Variants in SH2D5 observed in about 807,000 individuals in gnomAD.
The protein encoded by SH2D5 is SH2 domain containing 5.
SH2D5 carries 45 observed loss-of-function variants against 48.2 expected under a neutral mutation model. The observed-to-expected ratio is 0.93, with a 90% CI of 0.73 to 1.20. The LOEUF is 1.20. Among genes scored for constraint, SH2D5 ranks in the 50% most tolerant of loss-of-function variants. The pLI is 0.00. For missense variants in SH2D5, 538 were observed against 584.1 expected, an observed-to-expected ratio of 0.92 and a Z score of 0.81; for synonymous variants, 230 against 249.8, an observed-to-expected ratio of 0.92 and a Z score of 0.75.
Position 20,721,779 on chromosome 1 carries a change from G to C in SH2D5, c.*13C>G, listed in dbSNP as rs764073886. The C allele has an allele frequency of 5.9e-6, 9 of 1,514,134 alleles. No individual in the cohort carries two copies. The highest frequency in any genetic ancestry group is 2.1e-5 in the Admixed American group (1 of 48,236). The allele number at this position is 1,514,134 out of a possible 1,614,324, so 93.8% of individuals were successfully genotyped here. A position where few individuals can be genotyped will look rare whatever the true frequency, so the allele number is the denominator to read the frequency against. ...GGGGTGAGGCGGGGCCTGTGGGACC[G>C]GGGCCCTACCTCTTAGCCCAGGCCC... On this transcript the variant is annotated 3_prime_UTR_variant, in exon 10 of 10. Transcript: ENST00000444387.
Position 20,728,759 on chromosome 1 carries a change from C to T in SH2D5, c.-42-673G>A, listed in dbSNP as rs2054855353. On this transcript the variant is annotated intron_variant, in intron 1 of 9. Coordinates refer to ENST00000444387, the MANE Select transcript of SH2D5 (RefSeq NM_001103161.2). This position sits in a 1 kb window ranked among gnomAD's most constrained non-coding sequence, Gnocchi z 4.3. The stretch of plus-strand genomic sequence containing the variant: ...GCCAGGCTCAGGAATTCAGACCCCA[C>T]CCTGTGGGTAGTGGGGAGCTATAGC... Among the ~76,000 whole-genome samples, 1 of 152,188 alleles carries T rather than the reference C, an allele frequency of 6.6e-6. No individual in the cohort carries two copies. The highest frequency in any genetic ancestry group is 1.5e-5 in the Non-Finnish European group (1 of 68,030).
chr1:20,729,689 G>A lies in SH2D5; in HGVS notation c.-42-1603C>T, dbSNP rs534883412. ...GGGTCCCGGGTGTGCTCCCACTCAA[G>A]GAGGAGGGCTGGGGTGCTTTGGAAC... On this transcript the variant is annotated intron_variant, in intron 1 of 9. Transcript: ENST00000444387. This position sits in a 1 kb window ranked among gnomAD's most constrained non-coding sequence, Gnocchi z 4.2. Among the ~76,000 whole-genome samples the A allele has an allele frequency of 6.6e-6, 1 of 152,152 alleles. No individual in the cohort carries two copies. The highest frequency in any genetic ancestry group is 6.5e-5 in the Admixed American group (1 of 15,268).
In SH2D5 at chr1:20,720,599, A is replaced by T. The variant is rs671905; in HGVS notation, c.*1193T>A. ...ATGCAAAATGAACTTGTTCTATAAC[A>T]GAGTTCAGTAGATTCATTATTTGTC... On this transcript the variant is annotated 3_prime_UTR_variant, in exon 10 of 10. Coordinates refer to ENST00000444387, the MANE Select transcript of SH2D5 (RefSeq NM_001103161.2). 0.71 allele frequency: 108,137 copies of T among 152,266 alleles called. 38,770 individuals carry two copies. Among genetic ancestry groups the T allele is most frequent in the East Asian group, 0.88 (4,570 of 5,166 alleles). 9.4% of individuals were successfully genotyped at this position (152,266 alleles called of 1,614,324 possible). A position where few individuals can be genotyped will look rare whatever the true frequency, so the allele number is the denominator to read the frequency against.
At chr1:20,731,783 C>T (rs1390582552) in intron 1 of SH2D5, among the ~76,000 whole-genome samples, 2 of 152,102 alleles carry the variant, frequency 1.3e-5, no homozygotes, top group Non-Finnish European at 2.9e-5. Context: ...CGCTGCGCTA[C>T]CTCGCTCGGG....
In SH2D5 at chr1:20,720,627, GT is replaced by G. The variant is rs1228818479; in HGVS notation, c.*1164del. 6.6e-6 allele frequency: 1 copy of G among 152,260 alleles called. No homozygotes were observed. The highest frequency in any genetic ancestry group is 1.5e-5 in the Non-Finnish European group (1 of 68,046). The allele number at this position is 152,260 out of a possible 1,614,324, so 9.4% of individuals were successfully genotyped here. On this transcript the variant is annotated 3_prime_UTR_variant, in exon 10 of 10. Transcript: ENST00000444387. ...GTTCAGTAGATTCATTATTTGTCAA[GT>G]TTGCTTACAAAGAGGGTTTGTCAGT...
Position 20,727,057 on chromosome 1 carries a change from C to CCCGGCGTCGGGGACAGT in SH2D5, c.170_186dup (p.Ala63ThrfsTer10), listed in dbSNP as rs773859927. On this transcript the variant is annotated frameshift_variant, in exon 4 of 10. Transcript: ENST00000444387. LOFTEE classifies it high-confidence loss of function. ...TGAAGGCTGAATTTCAGGATGACGG[C>CCCGGCGTCGGGGACAGT]CCGGCGTCGGGGACAGTCCTGGGTG... The CCCGGCGTCGGGGACAGT allele has an allele frequency of 6.2e-7, 1 of 1,611,936 alleles. No homozygotes were observed. The highest frequency in any genetic ancestry group is 8.5e-7 in the Non-Finnish European group (1 of 1,179,006).
At chr1:20,727,246 T>G (rs1310701612) in intron 3 of SH2D5, among the ~76,000 whole-genome samples, 171 bp from the exon 4 acceptor site, 1 of 152,068 alleles carries the variant, frequency 6.6e-6, no homozygotes, top group African/African-American at 2.4e-5. Context: ...GGATGGCTCC[T>G]GGCAGATGAC....
At chr1:20,727,396 G>A in intron 3 of SH2D5, 127 bp downstream of exon 3, 1 of 963,346 alleles carries the variant, frequency 1.0e-6, no homozygotes. Context: ...GTCCTGACCA[G>A]CCCACCACAA....
rs2320398 is a variant in SH2D5, at chr1:20,728,213, G to A, written c.-42-127C>T. On this transcript the variant is annotated intron_variant, in intron 1 of 9. Coordinates refer to ENST00000444387, the MANE Select transcript of SH2D5 (RefSeq NM_001103161.2). This position sits in a 1 kb window ranked among gnomAD's most constrained non-coding sequence, Gnocchi z 4.3. ...GTGCAGCACGGCTGCGCAATGTCCC[G>A]GGCCCTGGGGAGCCAGCCCAGAAGA... The A allele has an allele frequency of 7.1e-3, 4,253 of 601,228 alleles. 111 individuals carry two copies. Among genetic ancestry groups the A allele is most frequent in the African/African-American group, 0.064 (3,448 of 53,968 alleles). The allele number at this position is 601,228 out of a possible 1,614,324, so 37.2% of individuals were successfully genotyped here.
At chr1:20,723,263 T>TTTAGAAGC (rs1363910614) in intron 8 of SH2D5, among the ~76,000 whole-genome samples, 3 of 152,154 alleles carry the variant, frequency 2.0e-5, no homozygotes, top group Non-Finnish European at 2.9e-5. Flanking sequence ...GAAAGAAGCT[T>TTTAGAAGC]TTAGAAGCTT....
intron 5 of SH2D5, 85 bp from the exon 6 acceptor site, chr1:20,724,720 G>A (rs776663706): frequency 2.4e-4 from 336 of 1,419,824 alleles, no homozygotes; most frequent in Non-Finnish European, 3.0e-4. Flanking sequence ...CACTCACCAT[G>A]GGTGCATGCA....
rs770826663 is a variant in SH2D5 at position 20,724,430 on chromosome 1, C to T, written c.596G>A (p.Arg199Gln). 1.4e-5 allele frequency: 22 copies of T among 1,612,796 alleles called. No homozygotes were observed. In the Admixed American group the frequency reaches 1.8e-4, roughly 13 times the overall value. Residue 199 changes from arginine (R) to glutamine (Q), a missense_variant, in exon 6 of 10, where the codon CGG becomes CAG. Physicochemically the swap from Arg to Gln is conservative, Grantham distance 43. Transcript: ENST00000444387. Reference sequence around the variant, plus strand: ...CACCAGCCCCTCTGCTGGCAGCCGCCGAAAGGAGACCAGGGCATGGACGTT... The same window carrying T: ...CACCAGCCCCTCTGCTGGCAGCCGCTGAAAGGAGACCAGGGCATGGACGTT... Reference protein sequence around the residue: ...SQNVHALVSFRRLPAEGLVGS... With the variant: ...SQNVHALVSFQRLPAEGLVGS...
chr1:20,723,113 T>G (rs1449582796), intron 8 of SH2D5, among the ~76,000 whole-genome samples, 198 bp from the exon 9 acceptor site: 2 of 152,174 alleles, frequency 1.3e-5, no homozygotes, highest in Non-Finnish European at 2.9e-5. Flanking sequence ...CACAGGAGTT[T>G]GAGGCTGCAG....
chr1:20,725,232 A>C (rs1213942377), intron 5 of SH2D5, among the ~76,000 whole-genome samples: 1 of 152,282 alleles, frequency 6.6e-6, no homozygotes, highest in Admixed American at 6.5e-5. Context: ...CGTGAGCGTC[A>C]GCTCAAGGAA....
intron 1 of SH2D5, among the ~76,000 whole-genome samples, chr1:20,730,422 C>A (rs1418903417): frequency 6.6e-6 from 1 of 152,150 alleles, no homozygotes; most frequent in East Asian, 1.9e-4. Flanking sequence ...CAGTCCCTCC[C>A]TCCACACCCA....
intron 3 of SH2D5, 99 bp downstream of exon 3, chr1:20,727,424 C>T (rs1349002199): frequency 8.5e-6 from 10 of 1,173,048 alleles, no homozygotes; most frequent in Non-Finnish European, 1.2e-5. Flanking sequence ...CTGTGTCCTG[C>T]CCCTCTCTAA....
At chr1:20,727,112 C>A (rs745355302) in intron 3 of SH2D5, 37 bp from the exon 4 acceptor site, 4 of 1,569,150 alleles carry the variant, frequency 2.5e-6, no homozygotes, top group Non-Finnish European at 3.5e-6. Flanking sequence ...GGCACCACCT[C>A]CCAGACCCTG....
At chr1:20,730,532 C>T (rs926768401) in intron 1 of SH2D5, among the ~76,000 whole-genome samples, 1 of 152,164 alleles carries the variant, frequency 6.6e-6, no homozygotes, top group Non-Finnish European at 1.5e-5. Flanking sequence ...ATCACCTGAT[C>T]CTTTCCCCAT....
At chr1:20,726,106 G>A (rs780300290) in intron 4 of SH2D5, 40 bp from the exon 5 acceptor site, 15 of 1,552,044 alleles carry the variant, frequency 9.7e-6, no homozygotes, top group East Asian at 2.4e-5. Flanking sequence ...CAGACCCACC[G>A]GGCAGCCCCA....
Sources: gnomAD v4.1 joint callset for allele counts (sites outside exome capture counted in the v4.1 genomes callset) on GRCh38, gnomAD v4.1.1 for gene constraint, Gnocchi (gnomAD v3.1) non-coding constraint, MANE v1.5 for transcripts, NCBI Gene and HGNC (gene_info 2026-07-23, HGNC 2026-07-21) for gene names.